The following CAB39 variants were observed in gnomAD, a reference collection of about 807,000 sequenced individuals.
CAB39 encodes calcium binding protein 39, also known as calcium-binding protein 39.
A neutral mutation model predicts 40.0 loss-of-function variants in CAB39; 8 were observed. The observed-to-expected ratio is 0.20, with a 90% CI of 0.12 to 0.36. The LOEUF is 0.36. Ranked by LOEUF, CAB39 falls within the 10% of genes least tolerant of loss-of-function variation. The pLI, the probability that CAB39 is intolerant of heterozygous loss-of-function variation, is 1.00. For missense variants in CAB39, 270 were observed against 401.1 expected, an observed-to-expected ratio of 0.67 and a Z score of 2.79; for synonymous variants, 156 against 141.6, an observed-to-expected ratio of 1.10 and a Z score of -0.72.
At chr2:230,732,134 G>T (rs867860552) in intron 1 of CAB39, among the ~76,000 whole-genome samples, 46 of 151,940 alleles carry the variant, frequency 3.0e-4, no homozygotes, top group African/African-American at 9.4e-4. Flanking sequence ...CAAGCTGGAG[G>T]GCAGTGGCGC....
chr2:230,813,436 C>G (rs1278858877), intron 6 of CAB39, among the ~76,000 whole-genome samples: 2 of 152,092 alleles, frequency 1.3e-5, no homozygotes, highest in Non-Finnish European at 2.9e-5. Context: ...TCTCTTTTCT[C>G]CCCTCCATTT....
chr2:230,803,042 A>G (rs1405482051), intron 5 of CAB39, among the ~76,000 whole-genome samples: 2 of 152,214 alleles, frequency 1.3e-5, no homozygotes, highest in Non-Finnish European at 2.9e-5. Flanking sequence ...CAGCACATCA[A>G]AAAGAGTATC....
chr2:230,818,755 A>T lies in CAB39; in HGVS notation c.*51A>T, dbSNP rs377713869. 1 of 1,405,614 alleles carries T rather than the reference A, an allele frequency of 7.1e-7. No individual in the cohort carries two copies. Among genetic ancestry groups the T allele is most frequent in the African/African-American group, 1.4e-5 (1 of 70,418 alleles). 87.1% of individuals were successfully genotyped at this position (1,405,614 alleles called of 1,614,324 possible). ...CCAAATTCAGCATTTGCTGTTAGCT[A>T]TTCAGCATCAGGCACTCTTATTGAT... On this transcript the variant is annotated 3_prime_UTR_variant, in exon 9 of 9. Coordinates refer to ENST00000258418, the MANE Select transcript of CAB39 (RefSeq NM_016289.4).
At chr2:230,789,331 G>A (rs576453255) in intron 2 of CAB39, among the ~76,000 whole-genome samples, 1 of 152,194 alleles carries the variant, frequency 6.6e-6, no homozygotes, top group Admixed American at 6.5e-5. Flanking sequence ...GTATTTTAAT[G>A]TCCTTGTTGA....
chr2:230,792,327 G>A (rs1437395428), intron 3 of CAB39, among the ~76,000 whole-genome samples: 1 of 152,206 alleles, frequency 6.6e-6, no homozygotes, highest in African/African-American at 2.4e-5. Flanking sequence ...GAACTTCAAA[G>A]ACATCAACTT....
In CAB39 at chr2:230,793,248, T is replaced by C. The variant is rs777228458; in HGVS notation, c.315T>C (p.Ile105=). 1.8e-5 allele frequency: 29 copies of C among 1,612,288 alleles called. No individual in the cohort carries two copies. Among genetic ancestry groups the C allele is most frequent in the Non-Finnish European group, 2.5e-5 (29 of 1,178,900 alleles). ...KKDVAQIFNN[I]LRRQIGTRTP... ...ACGTGGCTCAAATTTTCAACAATAT[T>C]CTCAGAAGACAAATTGGTACGAGAA... Residue 105 remains isoleucine, a synonymous_variant, in exon 4 of 9, where the codon ATT becomes ATC. Coordinates refer to ENST00000258418, the MANE Select transcript of CAB39 (RefSeq NM_016289.4).
At chr2:230,806,554 C>T (rs950945642) in intron 5 of CAB39, among the ~76,000 whole-genome samples, 3 of 152,112 alleles carry the variant, frequency 2.0e-5, no homozygotes, top group Non-Finnish European at 2.9e-5. Context: ...CCCTGTCATT[C>T]GAGGAGTGGT....
At chr2:230,716,499 C>A (rs1694352348) in intron 1 of CAB39, among the ~76,000 whole-genome samples, 2 of 152,206 alleles carry the variant, frequency 1.3e-5, no homozygotes, top group South Asian at 4.1e-4. Flanking sequence ...AATTTTGTTT[C>A]AGGTATTGTC....
At chr2:230,750,504 C>CA (rs1054360731) in intron 1 of CAB39, among the ~76,000 whole-genome samples, 1 of 152,156 alleles carries the variant, frequency 6.6e-6, no homozygotes, top group Non-Finnish European at 1.5e-5. Flanking sequence ...TAAATTACCC[C>CA]AAATTTCAAC....
intron 1 of CAB39, among the ~76,000 whole-genome samples, chr2:230,721,329 G>A (rs1490317453): frequency 6.6e-6 from 1 of 152,174 alleles, no homozygotes; most frequent in African/African-American, 2.4e-5. Context: ...TACTTAGAAG[G>A]CTGAGGCAGG....
intron 5 of CAB39, among the ~76,000 whole-genome samples, chr2:230,807,137 G>A (rs1393928414): frequency 1.3e-5 from 2 of 152,032 alleles, no homozygotes; most frequent in Non-Finnish European, 2.9e-5. Flanking sequence ...GCTGGTCTGG[G>A]GTCACATGCA....
intron 2 of CAB39, among the ~76,000 whole-genome samples, chr2:230,769,593 A>T (rs1559604061): frequency 6.6e-6 from 1 of 152,234 alleles, no homozygotes; most frequent in African/African-American, 2.4e-5. Flanking sequence ...TAAATTAGAA[A>T]TGAATAACAG....
At chr2:230,718,650 G>T (rs767044698) in intron 1 of CAB39, among the ~76,000 whole-genome samples, 3 of 152,194 alleles carry the variant, frequency 2.0e-5, no homozygotes, top group Non-Finnish European at 4.4e-5. Context: ...TACATCTGAT[G>T]TGCTGCCGTG....
At chr2:230,737,723 C>T (rs1424070167) in intron 1 of CAB39, among the ~76,000 whole-genome samples, 3 of 152,188 alleles carry the variant, frequency 2.0e-5, no homozygotes, top group Non-Finnish European at 4.4e-5. Context: ...CATTGTACCT[C>T]TTCCTGAATG....
At position 230,798,894 on chromosome 2, in the gene CAB39, C is replaced by A; in HGVS notation, c.564C>A (p.Phe188Leu). 2 of 1,581,950 alleles carry A rather than the reference C, an allele frequency of 1.3e-6. No homozygotes were observed. Among genetic ancestry groups the A allele is most frequent in the Non-Finnish European group, 1.7e-6 (2 of 1,158,364 alleles). The change falls in exon 5 of 9, where the codon TTC (phenylalanine) becomes TTA (leucine). Residue 188 changes from phenylalanine to leucine, a missense_variant. Phe to Leu is a conservative substitution (Grantham distance 22). Coordinates refer to ENST00000258418, the MANE Select transcript of CAB39 (RefSeq NM_016289.4). ...FDIASDAFAT[F>L]KDLLTRHKLL... ...TAGCTTCAGATGCATTTGCCACATT[C>A]AAGGTAACAAAAACTGTAGAATTCT...
intron 1 of CAB39, among the ~76,000 whole-genome samples, chr2:230,725,694 A>G (rs1413270669): frequency 6.6e-6 from 1 of 152,224 alleles, no homozygotes; most frequent in Non-Finnish European, 1.5e-5. Flanking sequence ...ATCCTGGAAC[A>G]TAGGACATTT....
At chr2:230,783,882 T>A (rs1336888819) in intron 2 of CAB39, among the ~76,000 whole-genome samples, 2 of 152,212 alleles carry the variant, frequency 1.3e-5, no homozygotes, top group African/African-American at 4.8e-5. Flanking sequence ...GTAATCTGAA[T>A]TTTAAACCCT....
chr2:230,799,587 A>G (rs1445342464), intron 5 of CAB39, among the ~76,000 whole-genome samples: 2 of 152,264 alleles, frequency 1.3e-5, no homozygotes, highest in Non-Finnish European at 2.9e-5. Flanking sequence ...GCTGTTTACA[A>G]TCTATGAATA....
At chr2:230,749,214 CATT>C (rs1695042722) in intron 1 of CAB39, among the ~76,000 whole-genome samples, 1 of 151,820 alleles carries the variant, frequency 6.6e-6, no homozygotes, top group Non-Finnish European at 1.5e-5. Context: ...GCATTGTAAT[CATT>C]ATTTTTTATG....
Sources: allele counts gnomAD v4.1 joint callset (sites outside exome capture counted in the v4.1 genomes callset), GRCh38; gene constraint gnomAD v4.1.1; transcripts MANE v1.5; gene names NCBI Gene and HGNC (gene_info 2026-07-23, HGNC 2026-07-21).